Variants in PDE3B observed in about 807,000 individuals in gnomAD.
PDE3B encodes the protein cGMP-inhibited 3',5'-cyclic phosphodiesterase 3B.
PDE3B carries 66 observed loss-of-function variants against 116.8 expected under a neutral mutation model. That is an observed-to-expected ratio of 0.56 (90% CI 0.46 to 0.69). The LOEUF (loss-of-function observed/expected upper bound fraction) is 0.69, where lower values mean the gene tolerates loss of function less well. Ranked by LOEUF, PDE3B falls within the 30% of genes least tolerant of loss-of-function variation. The pLI, the probability that PDE3B is intolerant of heterozygous loss-of-function variation, is 0.00. For missense variants in PDE3B, 1,384 were observed against 1,368.1 expected, an observed-to-expected ratio of 1.01 and a Z score of -0.18; for synonymous variants, 595 against 533.6, an observed-to-expected ratio of 1.12 and a Z score of -1.59.
chr11:14,811,611 C>T (rs1421435405), intron 5 of PDE3B, among the ~76,000 whole-genome samples: 4 of 152,084 alleles, frequency 2.6e-5, no homozygotes, highest in African/African-American at 9.7e-5. Flanking sequence ...TTAGGATTGG[C>T]TTGGCGATGT....
chr11:14,880,189 G>C, the PDE3B span: 2 of 1,612,960 alleles, frequency 1.2e-6, no homozygotes, highest in East Asian at 4.5e-5. Context: ...TAGCACATTG[G>C]TTGTAGTTTC....
At chr11:14,708,508 A>G (rs962228658) in intron 1 of PDE3B, among the ~76,000 whole-genome samples, 7 of 152,112 alleles carry the variant, frequency 4.6e-5, no homozygotes, top group African/African-American at 1.2e-4. Context: ...AGTCTCAAAT[A>G]TTAGACGTAC....
chr11:14,725,358 CCT>C (rs1025088048), intron 1 of PDE3B, among the ~76,000 whole-genome samples: 14 of 138,762 alleles, frequency 1.0e-4, no homozygotes, highest in African/African-American at 2.7e-4. Context: ...TCTTCTTTCT[CCT>C]CTCTCTTTCT....
intron 7 of PDE3B, 88 bp from the exon 8 acceptor site, chr11:14,830,610 A>G (rs1484498970): frequency 1.9e-6 from 1 of 531,050 alleles, no homozygotes; most frequent in Non-Finnish European, 3.1e-6. Flanking sequence ...CATTTTATCT[A>G]AATATTTTTA....
In PDE3B at chr11:14,758,284, C is replaced by T. The variant is rs1250057871; in HGVS notation, c.979-13653C>T. Among the ~76,000 whole-genome samples the T allele has an allele frequency of 1.3e-3, 187 of 147,786 alleles. 1 individual carries two copies. Among genetic ancestry groups the T allele is most frequent in the South Asian group, 3.5e-3 (16 of 4,552 alleles). Reference sequence around the variant, plus strand: ...TTGGCTTAGGATTGACTTGGCGATGCGGGCTCTTTTTTGGTTCCATATGAA... The same window carrying T: ...TTGGCTTAGGATTGACTTGGCGATGTGGGCTCTTTTTTGGTTCCATATGAA... On this transcript the variant is annotated intron_variant, in intron 1 of 15. Coordinates refer to ENST00000282096, the MANE Select transcript of PDE3B (RefSeq NM_000922.4).
At chr11:14,888,430 T>C in the PDE3B span, among the ~76,000 whole-genome samples, 1 of 152,190 alleles carries the variant, frequency 6.6e-6, no homozygotes, top group Non-Finnish European at 1.5e-5. Flanking sequence ...ATGTGCAAAG[T>C]GCTGTTGATG....
chr11:14,645,019 G>A lies in PDE3B; in HGVS notation c.944G>A (p.Arg315Lys), dbSNP rs1853350516. 2 of 1,612,316 alleles carry A rather than the reference G, an allele frequency of 1.2e-6. No individual in the cohort carries two copies. The highest frequency in any genetic ancestry group is 1.7e-5 in the Admixed American group (1 of 59,760). The part of the protein sequence containing the change: ...ASYYGSCKIF[R>K]RPSLPCISRE... ...TACTATGGCAGTTGCAAAATATTCA[G>A]GAGACCGTCGTTGCCTTGTATTTCC... The change falls in exon 1 of 16, where the codon AGG becomes AAG. Residue 315 changes from arginine (R) to lysine (K), a missense_variant. Physicochemically the swap from Arg to Lys is conservative, Grantham distance 26 (BLOSUM62 2). Around this residue, in one of 2 missense-constraint regions of PDE3B, gnomAD observed 956 missense variants for 806.8 expected, o/e 1.18. Coordinates refer to ENST00000282096, the MANE Select transcript of PDE3B (RefSeq NM_000922.4).
chr11:14,859,237 C>T lies in PDE3B; in HGVS notation c.2715C>T (p.Phe905=). Residue 905 remains phenylalanine, a synonymous_variant, in exon 13 of 16, where the codon TTC becomes TTT. Coordinates refer to ENST00000282096, the MANE Select transcript of PDE3B (RefSeq NM_000922.4). ...AGCATTTTGATTTTCTCGCAGAATT[C>T]AATGCCAAGGTTTGTTATGAAAATT... ...LKKHFDFLAE[F]NAKANDVNSN... 1.9e-6 allele frequency: 3 copies of T among 1,608,392 alleles called. No individual in the cohort carries two copies. The highest frequency in any genetic ancestry group is 2.5e-6 in the Non-Finnish European group (3 of 1,176,972).
intron 3 of PDE3B, 89 bp downstream of exon 3, chr11:14,786,774 A>G: frequency 9.2e-7 from 1 of 1,087,974 alleles, no homozygotes; most frequent in Non-Finnish European, 1.3e-6. Flanking sequence ...ATAGAATACA[A>G]TTTTCGTTTC....
At chr11:14,883,182 A>T in the PDE3B span, among the ~76,000 whole-genome samples, 56 of 151,978 alleles carry the variant, frequency 3.7e-4, no homozygotes, top group Non-Finnish European at 6.5e-4. Flanking sequence ...GGAAAAAACT[A>T]CTTTAAAGTT....
intron 1 of PDE3B, among the ~76,000 whole-genome samples, chr11:14,690,308 A>C (rs1264360207): frequency 6.6e-6 from 1 of 152,214 alleles, no homozygotes; most frequent in African/African-American, 2.4e-5. Flanking sequence ...AGTTTATGAC[A>C]TTACCAGTAG....
At chr11:14,744,198 A>G (rs1465110790) in intron 1 of PDE3B, among the ~76,000 whole-genome samples, 2 of 152,190 alleles carry the variant, frequency 1.3e-5, no homozygotes, top group Admixed American at 1.3e-4. Flanking sequence ...ATAATCAGTT[A>G]TGCAACCAGC....
At chr11:14,892,578 T>TAAAGCAGACCTTTCTTA in the PDE3B span, among the ~76,000 whole-genome samples, 2 of 152,226 alleles carry the variant, frequency 1.3e-5, no homozygotes, top group African/African-American at 4.8e-5. Context: ...AGTGTCTTTT[T>TAAAGCAGACCTTTCTTA]AAGTACCAGG....
intron 1 of PDE3B, among the ~76,000 whole-genome samples, chr11:14,678,097 T>G (rs1420246857): frequency 1.3e-5 from 2 of 152,004 alleles, no homozygotes; most frequent in South Asian, 4.1e-4. Context: ...CCTGGCTGAT[T>G]TTTGTATTTT....
Position 14,867,776 on chromosome 11 carries a change from T to C in PDE3B, c.3139+18T>C, listed in dbSNP as rs1555008343. On this transcript the variant is annotated intron_variant, in intron 15 of 15. Coordinates refer to ENST00000282096, the MANE Select transcript of PDE3B (RefSeq NM_000922.4). ...AAATCCAAGTAAGAATATAGGGACA[T>C]TATAATTTATTTAATGTTATAGGTT... The C allele has an allele frequency of 6.3e-7, 1 of 1,581,792 alleles. No homozygotes were observed. Among genetic ancestry groups the C allele is most frequent in the South Asian group, 1.1e-5 (1 of 89,298 alleles).
chr11:14,741,918 C>A (rs1016486778), intron 1 of PDE3B, among the ~76,000 whole-genome samples: 1 of 152,018 alleles, frequency 6.6e-6, no homozygotes, highest in Non-Finnish European at 1.5e-5. Flanking sequence ...AATATTGGCC[C>A]CTACTTTCTT....
chr11:14,795,115 G>A (rs1858511991), intron 4 of PDE3B, among the ~76,000 whole-genome samples: 1 of 152,146 alleles, frequency 6.6e-6, no homozygotes, highest in Non-Finnish European at 1.5e-5. Context: ...CCATTGGTGA[G>A]CAATTTAAGC....
At chr11:14,868,000 A>C (rs946069080) in intron 15 of PDE3B, among the ~76,000 whole-genome samples, 20 of 152,162 alleles carry the variant, frequency 1.3e-4, no homozygotes, top group Non-Finnish European at 1.3e-4. Flanking sequence ...GGGATATTCA[A>C]CCTTTAATAA....
At position 14,786,585 on chromosome 11, in the gene PDE3B, C is replaced by A. The variant is rs1590144204; in HGVS notation, c.1178C>A (p.Ser393Tyr). The change falls in exon 3 of 16, where the codon TCC becomes TAC. Residue 393 changes from serine (S) to tyrosine (Y), a missense_variant. Ser to Tyr is a moderately radical substitution (Grantham distance 144). Transcript: ENST00000282096. Reference sequence around the variant, plus strand: ...AGCTTAATGGGTGCTTTCTCAGGTTCCTGTAGGCCAAAGATTAATCCTCTC... The same window carrying A: ...AGCTTAATGGGTGCTTTCTCAGGTTACTGTAGGCCAAAGATTAATCCTCTC... ...ISSLMGAFSG[S>Y]CRPKINPLTP... is the part of the protein sequence containing the mutation. 13 of 1,613,062 alleles carry A rather than the reference C, an allele frequency of 8.1e-6. No homozygotes were observed. The highest frequency in any genetic ancestry group is 1.3e-5 in the African/African-American group (1 of 74,944).
Sources: gnomAD v4.1 joint callset for allele counts (sites outside exome capture counted in the v4.1 genomes callset) on GRCh38, gnomAD v4.1.1 for gene constraint, gnomAD v4.1.1 regional missense constraint, MANE v1.5 for transcripts, NCBI Gene and HGNC (gene_info 2026-07-23, HGNC 2026-07-21) for gene names.